The following LRP1 variants were observed in gnomAD, a reference collection of about 807,000 sequenced individuals.
The protein encoded by LRP1 is LDL receptor related protein 1, also known as prolow-density lipoprotein receptor-related protein 1.
LRP1 carries 51 observed loss-of-function variants against 541.5 expected under a neutral mutation model. That is an observed-to-expected ratio of 0.09 (90% CI 0.08 to 0.12). The LOEUF (loss-of-function observed/expected upper bound fraction) is 0.12. Among genes scored for constraint, LRP1 ranks in the 10% least tolerant of loss-of-function variants. The probability of loss-of-function intolerance (pLI) is 1.00; values close to 1 mark genes in which losing one functional copy is unlikely to be tolerated. For synonymous variants in LRP1, 2,219 were observed against 2,470.8 expected, an observed-to-expected ratio of 0.90 and a Z score of 3.02; for missense variants, 3,878 against 6,376.2, an observed-to-expected ratio of 0.61 and a Z score of 13.34.
rs151253108 is a variant in LRP1 at position 57,199,993 on chromosome 12, C to T, written c.9982C>T (p.Arg3328Cys). ...CAACTTCTACCTGGGCAGCGATGGG[C>T]GCACCTGTGTGTCCAACTGCACGGC... ...PTNFYLGSDG[R>C]TCVSNCTASQ... Residue 3328 changes from arginine to cysteine, a missense_variant, in exon 62 of 89, where the codon CGC (arginine) becomes TGC (cysteine). This residue lies in a region of LRP1 where 278 missense variants were observed against 536.3 expected (regional missense o/e 0.52). Coordinates refer to ENST00000243077, the MANE Select transcript of LRP1 (RefSeq NM_002332.3). 29 of 1,596,786 alleles carry T rather than the reference C, an allele frequency of 1.8e-5. No individual in the cohort carries two copies. In the African/African-American group the frequency reaches 2.9e-4, roughly 16 times the overall value.
At chr12:57,195,179 C>T in intron 51 of LRP1, 78 bp downstream of exon 51, 2 of 1,583,602 alleles carry the variant, frequency 1.3e-6, no homozygotes, top group Non-Finnish European at 1.7e-6. Context: ...CACACACAGA[C>T]ACCCCTGCAG....
chr12:57,192,786 T>G, intron 44 of LRP1, 59 bp from the exon 45 acceptor site: 1 of 1,606,554 alleles, frequency 6.2e-7, no homozygotes, highest in Admixed American at 1.7e-5. Context: ...GGGTGCACTC[T>G]GGGTGCATGC....
intron 13 of LRP1, among the ~76,000 whole-genome samples, chr12:57,161,608 C>G (rs1390380189): frequency 6.6e-6 from 1 of 152,118 alleles, no homozygotes; most frequent in Non-Finnish European, 1.5e-5. Context: ...GGTCTCTTTT[C>G]TCCCCACTTC....
At chr12:57,132,320 G>C (rs1191774410) in intron 1 of LRP1, among the ~76,000 whole-genome samples, 2 of 152,146 alleles carry the variant, frequency 1.3e-5, no homozygotes, top group Non-Finnish European at 2.9e-5. Flanking sequence ...CCCTAGGGGA[G>C]ATGAAAGCCT....
chr12:57,192,040 TCA>T (rs1445790993), intron 44 of LRP1, among the ~76,000 whole-genome samples: 2 of 104,338 alleles, frequency 1.9e-5, no homozygotes, highest in East Asian at 6.0e-4. Context: ...ACAACACACA[TCA>T]CACACACACC....
intron 6 of LRP1, among the ~76,000 whole-genome samples, chr12:57,146,112 C>G (rs2136664328): frequency 6.6e-6 from 1 of 152,176 alleles, no homozygotes; most frequent in South Asian, 2.1e-4. Context: ...TTTTGCTATC[C>G]TAGTTGTGGA....
At position 57,209,164 on chromosome 12, in the gene LRP1, G is replaced by A. The variant is rs770714386; in HGVS notation, c.12227G>A (p.Gly4076Asp). Residue 4076 changes from glycine (G) to aspartate (D), a missense_variant, in exon 79 of 89, where the codon GGC becomes GAC. Physicochemically the swap from Gly to Asp is moderately conservative, Grantham distance 94 (BLOSUM62 -1). Transcript: ENST00000243077. ...LSVIGSIRLN[G>D]TDPIVAADSK... Reference sequence around the variant, plus strand: ...GTCATCGGCAGCATCCGGCTCAATGGCACGGACCCCATTGTGGCTGCTGAC... The same window carrying A: ...GTCATCGGCAGCATCCGGCTCAATGACACGGACCCCATTGTGGCTGCTGAC... 6.2e-7 allele frequency: 1 copy of A among 1,614,026 alleles called. No homozygotes were observed. The highest frequency in any genetic ancestry group is 8.5e-7 in the Non-Finnish European group (1 of 1,179,982).
chr12:57,139,560 G>C (rs2035243844), intron 2 of LRP1, among the ~76,000 whole-genome samples: 1 of 152,230 alleles, frequency 6.6e-6, no homozygotes, highest in South Asian at 2.1e-4. Context: ...AGAAGGGTCA[G>C]ATCTGCCTCT....
intron 42 of LRP1, among the ~76,000 whole-genome samples, chr12:57,187,850 GC>G (rs1464076671): frequency 6.6e-6 from 1 of 152,200 alleles, no homozygotes; most frequent in Non-Finnish European, 1.5e-5. Context: ...AAGCCACCTA[GC>G]TGGGTTGAGA....
At position 57,151,802 on chromosome 12, in the gene LRP1, T is replaced by C. The variant is rs188328133; in HGVS notation, c.842-2406T>C. On this transcript the variant is annotated intron_variant, in intron 6 of 88. Transcript: ENST00000243077. The stretch of plus-strand genomic sequence containing the variant: ...GATTGTGCGTGCATTTGTGTGTGCA[T>C]ACGTGCGTATGTGCGTGTGTGTGTG... Among the ~76,000 whole-genome samples, 586 of 152,262 alleles carry C rather than the reference T, an allele frequency of 3.8e-3. 2 individuals carry two copies. The highest frequency in any genetic ancestry group is 0.014 in the African/African-American group (563 of 41,498).
chr12:57,193,711 C>A, intron 47 of LRP1, 26 bp downstream of exon 47: 1 of 1,614,060 alleles, frequency 6.2e-7, no homozygotes, highest in South Asian at 1.1e-5. Flanking sequence ...TGGCATAACC[C>A]ATCTGTACCT....
rs2036569727 is a variant in LRP1 at position 57,197,786 on chromosome 12, G to A, written c.9282+122G>A. 8.7e-7 allele frequency: 1 copy of A among 1,147,482 alleles called. No homozygotes were observed. The highest frequency in any genetic ancestry group is 1.2e-6 in the Non-Finnish European group (1 of 816,944). The allele number at this position is 1,147,482 out of a possible 1,614,324, so 71.1% of individuals were successfully genotyped here. A position where few individuals can be genotyped will look rare whatever the true frequency, so the allele number is the denominator to read the frequency against. Reference sequence around the variant, plus strand: ...CTTCTCACTCCACTAGTCACTATATGACTGCTTGTTCTAGCTGCTCACTCT... The same window carrying A: ...CTTCTCACTCCACTAGTCACTATATAACTGCTTGTTCTAGCTGCTCACTCT... On this transcript the variant is annotated intron_variant, in intron 58 of 88. Coordinates refer to ENST00000243077, the MANE Select transcript of LRP1 (RefSeq NM_002332.3). This position sits in a 1 kb window ranked among gnomAD's most constrained non-coding sequence, Gnocchi z 4.5.
At chr12:57,138,279 A>C (rs1450931839) in intron 1 of LRP1, among the ~76,000 whole-genome samples, 180 bp from the exon 2 acceptor site, 1 of 151,860 alleles carries the variant, frequency 6.6e-6, no homozygotes, top group Non-Finnish European at 1.5e-5. Flanking sequence ...CCGCAGATAC[A>C]CAGTGTCTAG....
chr12:57,173,148 C>T lies in LRP1; in HGVS notation c.3164-20C>T, dbSNP rs1196562913. 6.3e-7 allele frequency: 1 copy of T among 1,585,000 alleles called. No individual in the cohort carries two copies. The highest frequency in any genetic ancestry group is 1.1e-5 in the South Asian group (1 of 88,302). On this transcript the variant is annotated intron_variant, in intron 20 of 88. Coordinates refer to ENST00000243077, the MANE Select transcript of LRP1 (RefSeq NM_002332.3). This position sits in a 1 kb window ranked among gnomAD's most constrained non-coding sequence, Gnocchi z 4.7. ...CTGGGCAACCCCTCCCTCCTGAGGC[C>T]CTCCACTGTCCCTCTGCAGCCACGA...
chr12:57,190,185 G>A (rs1409054934), intron 42 of LRP1, among the ~76,000 whole-genome samples: 6 of 152,178 alleles, frequency 3.9e-5, no homozygotes, highest in Non-Finnish European at 7.3e-5. Context: ...AGAGCTGCTT[G>A]AGGATAGGAC....
At position 57,201,654 on chromosome 12, in the gene LRP1, CCA is replaced by C. The variant is rs1457925577; in HGVS notation, c.10468+36_10468+37del. 8.1e-6 allele frequency: 13 copies of C among 1,603,544 alleles called. No individual in the cohort carries two copies. Among genetic ancestry groups the C allele is most frequent in the Non-Finnish European group, 1.1e-5 (13 of 1,172,544 alleles). The stretch of plus-strand genomic sequence containing the variant: ...CTGGCCTGGAGCCCAGCTTCCCTCC[CCA>C]GTGTCTGCTGCTCACACCACCCCGA... On this transcript the variant is annotated intron_variant, in intron 66 of 88. Transcript: ENST00000243077. The surrounding 1 kb of genome is among the most constrained non-coding windows in gnomAD (Gnocchi z 6.4).
chr12:57,200,414 AC>A, intron 62 of LRP1, 27 bp from the exon 63 acceptor site: 1 of 1,294,090 alleles, frequency 7.7e-7, no homozygotes, highest in Non-Finnish European at 1.1e-6. Flanking sequence ...ACCCCCACCA[AC>A]CCCTCTTGCC....
rs1161198229 is a variant in LRP1, at chr12:57,202,506, T to C, written c.10680T>C (p.Asp3560=). The change falls in exon 68 of 89, where the codon GAT becomes GAC. Residue 3560 remains aspartate (D), a synonymous_variant. Transcript: ENST00000243077. Reference sequence around the variant, plus strand: ...GCTGGCAGTGCGACTACGACAACGATTGCGGTGACAACTCCGATGAAGAGA... The same window carrying C: ...GCTGGCAGTGCGACTACGACAACGACTGCGGTGACAACTCCGATGAAGAGA... The part of the protein sequence containing the change: ...PGRWQCDYDN[D]CGDNSDEESC... 2 of 1,613,266 alleles carry C rather than the reference T, an allele frequency of 1.2e-6. No homozygotes were observed. Among genetic ancestry groups the C allele is most frequent in the Non-Finnish European group, 8.5e-7 (1 of 1,179,914 alleles).
At position 57,170,385 on chromosome 12, in the gene LRP1, A is replaced by C. The variant is rs149309946; in HGVS notation, c.3163+1078A>C. 2.1e-3 allele frequency among the ~76,000 whole-genome samples: 317 copies of C among 152,346 alleles called. 6 individuals carry two copies. In the East Asian group the frequency reaches 0.054, roughly 26 times the overall value. On this transcript the variant is annotated intron_variant, in intron 20 of 88. Coordinates refer to ENST00000243077, the MANE Select transcript of LRP1 (RefSeq NM_002332.3). ...GGCAGTTGATTTTAGAAGTTTTAAA[A>C]GGCTGGGTGCAGGCCAGGCATGGTG...
Sources: allele counts gnomAD v4.1 joint callset (sites outside exome capture counted in the v4.1 genomes callset), GRCh38; gene constraint gnomAD v4.1.1; regional missense constraint gnomAD v4.1.1; non-coding constraint Gnocchi (gnomAD v3.1); transcripts MANE v1.5; gene names NCBI Gene and HGNC (gene_info 2026-07-23, HGNC 2026-07-21).